CCNF: variants seen among roughly 807,000 people sequenced by gnomAD.
CCNF encodes the protein cyclin-F.
Under a neutral mutation model 85.4 loss-of-function variants are expected in CCNF, and 30 were observed. The ratio of observed to expected loss-of-function variants is 0.35; its 90% CI spans 0.26 to 0.48. CCNF has a LOEUF of 0.48. Ranked by LOEUF, CCNF falls within the 20% of genes least tolerant of loss-of-function variation. The pLI, the probability that CCNF is intolerant of heterozygous loss-of-function variation, is 0.99. For synonymous variants in CCNF, 439 were observed against 425.1 expected, an observed-to-expected ratio of 1.03 and a Z score of -0.40; for missense variants, 919 against 1,010.4, an observed-to-expected ratio of 0.91 and a Z score of 1.23.
Position 2,458,125 on chromosome 16 carries a change from G to C in CCNF, c.*1105G>C, listed in dbSNP as rs1272358888. 1 of 152,204 alleles carries C rather than the reference G, an allele frequency of 6.6e-6. No homozygotes were observed. 9.4% of individuals were successfully genotyped at this position (152,204 alleles called of 1,614,324 possible). On this transcript the variant is annotated 3_prime_UTR_variant, in exon 17 of 17. Coordinates refer to ENST00000397066, the MANE Select transcript of CCNF (RefSeq NM_001761.3). ...CCAGCAGCCCACGCCTGGGGAGCCT[G>C]CCTGGGGCCATGTGACCATGGCCTC...
chr16:2,435,983 C>T (rs757049637), intron 4 of CCNF, 110 bp downstream of exon 4: 146 of 688,216 alleles, frequency 2.1e-4, no homozygotes, highest in Non-Finnish European at 3.1e-4. Context: ...TTGCTCTATC[C>T]GATGGCCTGC....
rs1322281272 is a variant in CCNF at position 2,437,985 on chromosome 16, T to C, written c.541-85T>C. 5 of 885,156 alleles carry C rather than the reference T, an allele frequency of 5.6e-6. No homozygotes were observed. In the African/African-American group the frequency reaches 6.6e-5, roughly 12 times the overall value. 54.8% of individuals were successfully genotyped at this position (885,156 alleles called of 1,614,324 possible). On this transcript the variant is annotated intron_variant, in intron 5 of 16. Coordinates refer to ENST00000397066, the MANE Select transcript of CCNF (RefSeq NM_001761.3). ...GGGCCAGACAGCAGGGCCATGGGCA[T>C]GGGACCCAAAGACAGACAAGGGAGT...
rs747519392 is a variant in CCNF at position 2,443,636 on chromosome 16, T to TC, written c.778-13_778-12insC. ...CTGCTGTCTCACGCTCATGTTTGTC[T>TC]TTTCTTCCTCAGCTGTCTTTAGCCA... On this transcript the variant is annotated splice_polypyrimidine_tract_variant and intron_variant, in intron 8 of 16. Transcript: ENST00000397066. The TC allele has an allele frequency of 2.8e-5, 45 of 1,610,422 alleles. No homozygotes were observed. The highest frequency in any genetic ancestry group is 3.7e-5 in the Non-Finnish European group (44 of 1,177,020).
At chr16:2,438,183 C>T (rs1387931544) in intron 6 of CCNF, 60 bp downstream of exon 6, 1 of 1,263,190 alleles carries the variant, frequency 7.9e-7, no homozygotes, top group Non-Finnish European at 1.2e-6. Flanking sequence ...AGCCGAGATC[C>T]TGGAACTGAA....
rs1455370592 is a variant in CCNF at position 2,442,433 on chromosome 16, ATATATAATATATAATAT to A, written c.778-1204_778-1188del. ...TAATATTATATAATATAATATTATT[ATATATAATATATAATAT>A]TATATAATATAATATTATTATATAT... On this transcript the variant is annotated intron_variant, in intron 8 of 16. Transcript: ENST00000397066. Among the ~76,000 whole-genome samples the A allele has an allele frequency of 3.0e-3, 19 of 6,236 alleles. 5 individuals are homozygous for A. Among genetic ancestry groups the A allele is most frequent in the Non-Finnish European group, 1.7e-3 (8 of 4,818 alleles). 4.1% of individuals were successfully genotyped at this position (6,236 alleles called of 152,430 possible). A position where few individuals can be genotyped will look rare whatever the true frequency, so the allele number is the denominator to read the frequency against.
chr16:2,431,053 CT>C lies in CCNF; in HGVS notation c.17-68del, dbSNP rs548054377. Reference sequence around the variant, plus strand: ...ATCATCTTCAGATGTAACTTTTATCCTTTTTTTTTCCCTTCAAGGGTGTGTA... The same window carrying C: ...ATCATCTTCAGATGTAACTTTTATCCTTTTTTTTCCCTTCAAGGGTGTGTA... On this transcript the variant is annotated intron_variant, in intron 1 of 16. Transcript: ENST00000397066. 350 of 1,410,938 alleles carry C rather than the reference CT, an allele frequency of 2.5e-4. 1 individual carries two copies. Among genetic ancestry groups the C allele is most frequent in the Middle Eastern group, 3.6e-4 (2 of 5,596 alleles). 87.4% of individuals were successfully genotyped at this position (1,410,938 alleles called of 1,614,324 possible).
intron 15 of CCNF, among the ~76,000 whole-genome samples, chr16:2,454,824 C>T (rs13334755): frequency 6.6e-4 from 100 of 152,270 alleles, no homozygotes; most frequent in African/African-American, 2.3e-3. Context: ...CTTTGGGAGG[C>T]CGAGGTGGGC....
In CCNF at chr16:2,457,166, T is replaced by G; in HGVS notation, c.*146T>G. On this transcript the variant is annotated 3_prime_UTR_variant, in exon 17 of 17. Coordinates refer to ENST00000397066, the MANE Select transcript of CCNF (RefSeq NM_001761.3). ...GACTTGCGGCCACCAAGTTTCTGTCTCCGCGGGAGTCCCGTGCAAGCCATC... is the reference window on the plus strand; with the variant it reads ...GACTTGCGGCCACCAAGTTTCTGTCGCCGCGGGAGTCCCGTGCAAGCCATC... The G allele has an allele frequency of 1.7e-6, 1 of 597,878 alleles. No individual in the cohort carries two copies. Among genetic ancestry groups the G allele is most frequent in the Non-Finnish European group, 2.9e-6 (1 of 344,464 alleles). The allele number at this position is 597,878 out of a possible 1,614,324, so 37.0% of individuals were successfully genotyped here.
At chr16:2,441,946 T>C (rs2065323724) in intron 8 of CCNF, among the ~76,000 whole-genome samples, 1 of 44,808 alleles carries the variant, frequency 2.2e-5, no homozygotes. Context: ...ATTATATATA[T>C]ATATATATAT....
chr16:2,452,528 T>C lies in CCNF; in HGVS notation c.1488-682T>C, dbSNP rs1452216959. 1.3e-5 allele frequency: 2 copies of C among 152,454 alleles called. No individual in the cohort carries two copies. The highest frequency in any genetic ancestry group is 3.9e-4 in the East Asian group (2 of 5,190). The allele number at this position is 152,454 out of a possible 1,614,324, so 9.4% of individuals were successfully genotyped here. ...TCCTCCTGAAGAAGTTAATTTTTTTTCCAAACAAGATAAATTAGAAACGTT... is the reference window on the plus strand; with the variant it reads ...TCCTCCTGAAGAAGTTAATTTTTTTCCCAAACAAGATAAATTAGAAACGTT... On this transcript the variant is annotated intron_variant, in intron 13 of 16. Coordinates refer to ENST00000397066, the MANE Select transcript of CCNF (RefSeq NM_001761.3). The surrounding 1 kb of genome is among the most constrained non-coding windows in gnomAD (Gnocchi z 4.1).
chr16:2,429,595 G>A, intron 1 of CCNF, 98 bp downstream of exon 1: 1 of 1,115,626 alleles, frequency 9.0e-7, no homozygotes, highest in East Asian at 3.3e-5. Flanking sequence ...GGCCCTGGCG[G>A]CCTGAAGAGG....
chr16:2,440,554 C>T (rs2065315707), intron 8 of CCNF, among the ~76,000 whole-genome samples: 1 of 151,862 alleles, frequency 6.6e-6, no homozygotes, highest in Non-Finnish European at 1.5e-5. Flanking sequence ...GTTGCAGTAC[C>T]ACTACACTCC....
intron 4 of CCNF, chr16:2,436,196 T>A: frequency 4.2e-6 from 1 of 235,622 alleles, no homozygotes; most frequent in Non-Finnish European, 8.4e-6. Flanking sequence ...CACGCAGACC[T>A]GCCTGTGGAT....
Position 2,448,847 on chromosome 16 carries a change from C to T in CCNF, c.1095-8C>T, listed in dbSNP as rs751633956. ...GCTCCACCCTGAGACCCCTTCTCGG[C>T]GTTGCAGGTTTATCAGTAAAGAGAT... On this transcript the variant is annotated splice_region_variant and splice_polypyrimidine_tract_variant and intron_variant, in intron 10 of 16. Transcript: ENST00000397066. 6.2e-6 allele frequency: 10 copies of T among 1,613,424 alleles called. No homozygotes were observed. Among genetic ancestry groups the T allele is most frequent in the Non-Finnish European group, 6.8e-6 (8 of 1,179,540 alleles).
At chr16:2,430,218 C>A (rs1041520783) in intron 1 of CCNF, among the ~76,000 whole-genome samples, 1 of 151,902 alleles carries the variant, frequency 6.6e-6, no homozygotes, top group Non-Finnish European at 1.5e-5. Context: ...AGGGGAGTGG[C>A]GCTTCCTTTC....
At chr16:2,435,191 T>C (rs4305017) in intron 3 of CCNF, among the ~76,000 whole-genome samples, 111,112 of 147,278 alleles carry the variant, frequency 0.75, 42,781 homozygotes, top group African/African-American at 0.92. Flanking sequence ...GCGGAGCTTG[T>C]AGTGAGCCGA....
rs751561244 is a variant in CCNF, at chr16:2,439,464, G to A, written c.699+7G>A. ...AAGCGACAGGAGGACAGATGTGAGT[G>A]GTGCCTGCTCTGGGTCGGGGGGAGT... On this transcript the variant is annotated splice_region_variant and intron_variant, in intron 7 of 16. Coordinates refer to ENST00000397066, the MANE Select transcript of CCNF (RefSeq NM_001761.3). 5.7e-6 allele frequency: 9 copies of A among 1,592,342 alleles called. No individual in the cohort carries two copies. In the South Asian group the frequency reaches 6.7e-5, roughly 12 times the overall value.
At chr16:2,442,417 A>G (rs1248641892) in intron 8 of CCNF, among the ~76,000 whole-genome samples, 1 of 69,328 alleles carries the variant, frequency 1.4e-5, no homozygotes, top group Non-Finnish European at 2.3e-5. Flanking sequence ...ATAATATTAT[A>G]TAATATAATA....
At position 2,455,549 on chromosome 16, in the gene CCNF, GAGA is replaced by G. The variant is rs777762783; in HGVS notation, c.1873_1875del (p.Lys625del). ...TGAAGGCGACCAGGAGAGTGAGGGC[GAGA>G]AGGAGGGCGACGGTGAGTGTGGGGC... On this transcript the variant is annotated inframe_deletion, in exon 16 of 17. Transcript: ENST00000397066. The G allele has an allele frequency of 2.1e-4, 337 of 1,597,248 alleles. No individual in the cohort carries two copies. The highest frequency in any genetic ancestry group is 5.2e-4 in the Middle Eastern group (3 of 5,790).
Sources: allele counts gnomAD v4.1 joint callset (sites outside exome capture counted in the v4.1 genomes callset), GRCh38; gene constraint gnomAD v4.1.1; non-coding constraint Gnocchi (gnomAD v3.1); transcripts MANE v1.5; gene names NCBI Gene and HGNC (gene_info 2026-07-23, HGNC 2026-07-21).